The following TRHDE variants were observed in gnomAD, a reference collection of about 807,000 sequenced individuals.
TRHDE encodes thyrotropin releasing hormone degrading enzyme, also known as thyrotropin-releasing hormone-degrading ectoenzyme.
A neutral mutation model predicts 125.7 loss-of-function variants in TRHDE; 72 were observed. The observed-to-expected ratio is 0.57, with a 90% CI of 0.47 to 0.70. TRHDE has a LOEUF of 0.70. Among genes scored for constraint, TRHDE ranks in the 30% least tolerant of loss-of-function variants. The pLI, the probability that TRHDE is intolerant of heterozygous loss-of-function variation, is 0.00. For synonymous variants in TRHDE, 509 were observed against 509.1 expected (o/e 1.00, Z 0.00); for missense variants, 1,110 against 1,327.1 (o/e 0.84, Z 2.54).
At chr12:72,378,913 A>T (rs1219855902) in intron 3 of TRHDE, among the ~76,000 whole-genome samples, 1 of 152,212 alleles carries the variant, frequency 6.6e-6, no homozygotes, top group Non-Finnish European at 1.5e-5. Context: ...TTAAAAGAGT[A>T]CCTACATGCA....
chr12:72,298,738 A>G (rs1880397576), intron 2 of TRHDE, among the ~76,000 whole-genome samples: 1 of 152,204 alleles, frequency 6.6e-6, no homozygotes, highest in Non-Finnish European at 1.5e-5. Flanking sequence ...TCAGGGTTAT[A>G]TAAGGAGCAT....
chr12:72,468,923 G>T (rs1320313684), intron 3 of TRHDE, among the ~76,000 whole-genome samples: 2 of 152,098 alleles, frequency 1.3e-5, no homozygotes, highest in African/African-American at 2.4e-5. Flanking sequence ...TCATCACTAC[G>T]TCTCTGGAGC....
chr12:72,224,509 G>A (rs546778496), intron 2 of TRHDE, among the ~76,000 whole-genome samples: 148 of 152,066 alleles, frequency 9.7e-4, no homozygotes, highest in African/African-American at 3.3e-3. Flanking sequence ...TTTTTGCTTG[G>A]AATTTGGTTG....
In TRHDE at chr12:72,469,819, T is replaced by C; in HGVS notation, c.1377T>C (p.Phe459=). The stretch of plus-strand genomic sequence containing the variant: ...TGGAGAACTGGGGACTAAGTATTTT[T>C]GTGGAACAAAGAATACTGCTGGATC... The part of the protein sequence containing the change: ...AAMENWGLSI[F]VEQRILLDPS... The change falls in exon 4 of 19, where the codon TTT becomes TTC. Residue 459 remains phenylalanine (F), a synonymous_variant. Coordinates refer to ENST00000261180, the MANE Select transcript of TRHDE (RefSeq NM_013381.3). The C allele has an allele frequency of 6.2e-7, 1 of 1,614,136 alleles. No individual in the cohort carries two copies. The highest frequency in any genetic ancestry group is 8.5e-7 in the Non-Finnish European group (1 of 1,179,972).
chr12:72,443,192 CTGTG>C (rs58277850), intron 3 of TRHDE, among the ~76,000 whole-genome samples: 2,402 of 144,474 alleles, frequency 0.017, 24 homozygotes, highest in African/African-American at 0.028. Flanking sequence ...TACTTCTTTC[CTGTG>C]TGTGTGTGTG....
chr12:72,532,660 C>T (rs978342149), intron 6 of TRHDE, among the ~76,000 whole-genome samples: 4 of 151,220 alleles, frequency 2.6e-5, no homozygotes, highest in Admixed American at 2.6e-4. Flanking sequence ...GATGATTAAA[C>T]AATTTGTCTC....
intron 3 of TRHDE, among the ~76,000 whole-genome samples, chr12:72,448,466 T>G (rs540506083): frequency 1.3e-5 from 2 of 152,040 alleles, no homozygotes; most frequent in Non-Finnish European, 2.9e-5. Context: ...TTGGTTTTAT[T>G]TAGTATCAGT....
intron 2 of TRHDE, among the ~76,000 whole-genome samples, chr12:72,138,203 TG>T (rs1189685746): frequency 1.3e-5 from 2 of 152,062 alleles, no homozygotes; most frequent in Admixed American, 1.3e-4. Context: ...GGTGAAACCC[TG>T]TCTCTACTAA....
chr12:72,210,781 C>T (rs1191799220), intron 2 of TRHDE, among the ~76,000 whole-genome samples: 7 of 152,244 alleles, frequency 4.6e-5, no homozygotes, highest in African/African-American at 1.2e-4. Flanking sequence ...GTCAAAACAA[C>T]CAAAGGTAGA....
chr12:72,275,163 A>G (rs1285577871), intron 1 of TRHDE, among the ~76,000 whole-genome samples: 1 of 152,210 alleles, frequency 6.6e-6, no homozygotes, highest in African/African-American at 2.4e-5. Flanking sequence ...GAGAGTTAGG[A>G]CTTGAACTTT....
chr12:72,275,202 C>T (rs1198625732), intron 1 of TRHDE, among the ~76,000 whole-genome samples: 5 of 152,138 alleles, frequency 3.3e-5, no homozygotes, highest in Admixed American at 2.6e-4. Flanking sequence ...CCAGACAGAG[C>T]TTATGGTGTT....
chr12:72,356,894 G>T (rs1870849486), intron 2 of TRHDE, among the ~76,000 whole-genome samples: 1 of 151,416 alleles, frequency 6.6e-6, no homozygotes, highest in Non-Finnish European at 1.5e-5. Flanking sequence ...ATTTTGTTAG[G>T]TTGATAATGA....
rs1335487037 is a variant in TRHDE, at chr12:72,443,284, A to G, written c.1316-26474A>G. On this transcript the variant is annotated intron_variant, in intron 3 of 18. Coordinates refer to ENST00000261180, the MANE Select transcript of TRHDE (RefSeq NM_013381.3). ...CCTTGTATCCTCATTCTTTTTGTTCATAACTTCTTTATCTTTAAGGGAGTC... is the reference window on the plus strand; with the variant it reads ...CCTTGTATCCTCATTCTTTTTGTTCGTAACTTCTTTATCTTTAAGGGAGTC... Among the ~76,000 whole-genome samples the G allele has an allele frequency of 3.3e-5, 5 of 150,132 alleles. No homozygotes were observed. The East Asian group carries it at 9.8e-4, about 29-fold the overall frequency.
At chr12:72,475,214 T>C (rs1293038886) in intron 5 of TRHDE, among the ~76,000 whole-genome samples, 2 of 152,186 alleles carry the variant, frequency 1.3e-5, no homozygotes, top group Admixed American at 6.5e-5. Flanking sequence ...TTTCCAAAAG[T>C]ATCTTTTGGT....
At chr12:72,652,842 T>C (rs1874559382) in intron 16 of TRHDE, among the ~76,000 whole-genome samples, 174 bp from the exon 17 acceptor site, 1 of 151,984 alleles carries the variant, frequency 6.6e-6, no homozygotes, top group Non-Finnish European at 1.5e-5. Context: ...ATACTATGAG[T>C]TTGATCCTCT....
At chr12:72,644,685 C>T (rs752042128) in intron 15 of TRHDE, among the ~76,000 whole-genome samples, 3 of 152,224 alleles carry the variant, frequency 2.0e-5, no homozygotes, top group Non-Finnish European at 2.9e-5. Context: ...TTTTCTACTG[C>T]TCAGCACAGA....
chr12:72,568,137 A>G (rs577844589), intron 9 of TRHDE, among the ~76,000 whole-genome samples: 62 of 152,184 alleles, frequency 4.1e-4, no homozygotes, highest in African/African-American at 1.5e-3. Context: ...CTACAGAGTC[A>G]TTAGATAATA....
chr12:72,569,044 C>T (rs1870594263), intron 10 of TRHDE, among the ~76,000 whole-genome samples: 1 of 152,038 alleles, frequency 6.6e-6, no homozygotes, highest in Non-Finnish European at 1.5e-5. Context: ...CTTTACCAGA[C>T]TGTCTCTTTA....
At chr12:72,216,172 T>C (rs1355390739) in intron 2 of TRHDE, among the ~76,000 whole-genome samples, 2 of 152,124 alleles carry the variant, frequency 1.3e-5, no homozygotes, top group Non-Finnish European at 2.9e-5. Flanking sequence ...TTTCCAGAAA[T>C]CTAGTGAATA....
Sources: gnomAD v4.1 joint callset for allele counts (sites outside exome capture counted in the v4.1 genomes callset) on GRCh38, gnomAD v4.1.1 for gene constraint, MANE v1.5 for transcripts, NCBI Gene and HGNC (gene_info 2026-07-23, HGNC 2026-07-21) for gene names.